VWCE: variants seen among roughly 807,000 people sequenced by gnomAD.
VWCE encodes von Willebrand factor C and EGF domains.
VWCE carries 68 observed loss-of-function variants against 102.9 expected under a neutral mutation model. That is an observed-to-expected ratio of 0.66 (90% confidence interval 0.54 to 0.81). The LOEUF (loss-of-function observed/expected upper bound fraction) is 0.81, where lower values mean the gene tolerates loss of function less well. VWCE is among the 30% of genes least tolerant of loss of function. The probability of loss-of-function intolerance (pLI) is 0.00; values close to 1 mark genes in which losing one functional copy is unlikely to be tolerated. For missense variants in VWCE, 1,137 were observed against 1,263.6 expected, an observed-to-expected ratio of 0.90 and a Z score of 1.52; for synonymous variants, 497 against 515.4, an observed-to-expected ratio of 0.96 and a Z score of 0.48.
intron 18 of VWCE, 127 bp downstream of exon 18, chr11:61,264,829 A>G: frequency 9.1e-7 from 1 of 1,096,182 alleles, no homozygotes; most frequent in East Asian, 2.4e-5. Context: ...CTGGCAGTTA[A>G]TTAAAGGCGG....
At chr11:61,268,744 G>C (rs760742328) in intron 15 of VWCE, among the ~76,000 whole-genome samples, 178 bp downstream of exon 15, 2 of 152,074 alleles carry the variant, frequency 1.3e-5, no homozygotes, top group Admixed American at 6.5e-5. Context: ...GATCTGCCTC[G>C]AGCACTCAGA....
intron 9 of VWCE, 94 bp downstream of exon 9, chr11:61,280,530 T>C: frequency 1.6e-6 from 2 of 1,250,910 alleles, no homozygotes; most frequent in South Asian, 1.4e-5. Flanking sequence ...GAGATTCTAA[T>C]GTATGCTAAT....
chr11:61,269,918 T>C (rs886873483), intron 14 of VWCE, among the ~76,000 whole-genome samples: 3 of 101,096 alleles, frequency 3.0e-5, no homozygotes, highest in Middle Eastern at 4.2e-3. Context: ...GCTTACAGCA[T>C]TTTTTTTTTT....
rs1282127854 is a variant in VWCE, at chr11:61,258,910, G to A, written c.2633C>T (p.Ala878Val). The A allele has an allele frequency of 1.3e-6, 2 of 1,531,944 alleles. No homozygotes were observed. Among genetic ancestry groups the A allele is most frequent in the Middle Eastern group, 1.8e-4 (1 of 5,656 alleles). 94.9% of individuals were successfully genotyped at this position (1,531,944 alleles called of 1,614,324 possible). Residue 878 changes from alanine to valine, a missense_variant, in exon 20 of 20, where the codon GCC becomes GTC. Ala to Val is a moderately conservative substitution (Grantham distance 64). Transcript: ENST00000335613. ...PPVTPERSFS[A>V]SGAQIVSRWP... ...CCTGGACACTATCTGGGCCCCAGAG[G>A]CTGAGAACGAGCGCTCTGGAGTCAC...
chr11:61,263,110 C>T (rs1407731906), intron 19 of VWCE, among the ~76,000 whole-genome samples: 1 of 152,158 alleles, frequency 6.6e-6, no homozygotes, highest in Non-Finnish European at 1.5e-5. Flanking sequence ...AGTTCGAGAA[C>T]AGCCTGACGA....
intron 10 of VWCE, among the ~76,000 whole-genome samples, chr11:61,277,339 T>C (rs1854960553): frequency 6.7e-6 from 1 of 150,246 alleles, no homozygotes; most frequent in South Asian, 2.1e-4. Flanking sequence ...CCCGGTGCAG[T>C]GGCTCATCCC....
chr11:61,274,535 A>G lies in VWCE; in HGVS notation c.1545T>C (p.Ser515=). ...AGGTGGTACACTCGTCACCACCCCC[A>G]CTGAACACAGCCCCGTCTGCGTACC... The part of the protein sequence containing the change: ...GRWYADGAVF[S]GGGDECTTCV... Residue 515 remains serine, a synonymous_variant, in exon 12 of 20, where the codon AGT becomes AGC. Coordinates refer to ENST00000335613, the MANE Select transcript of VWCE (RefSeq NM_152718.2). 1.2e-6 allele frequency: 2 copies of G among 1,613,574 alleles called. No individual in the cohort carries two copies. The highest frequency in any genetic ancestry group is 4.5e-5 in the East Asian group (2 of 44,854).
intron 19 of VWCE, 134 bp downstream of exon 19, chr11:61,264,353 C>A: frequency 1.2e-6 from 1 of 839,592 alleles, no homozygotes; most frequent in South Asian, 1.6e-5. Flanking sequence ...AGCTGTACAA[C>A]CTTGCGCGAG....
intron 13 of VWCE, 141 bp from the exon 14 acceptor site, chr11:61,271,901 C>G: frequency 1.4e-6 from 1 of 707,064 alleles, no homozygotes. Flanking sequence ...CACACTCATA[C>G]AAATGCACAC....
At chr11:61,289,517 TG>T (rs1244592157) in intron 4 of VWCE, among the ~76,000 whole-genome samples, 1 of 152,110 alleles carries the variant, frequency 6.6e-6, no homozygotes, top group African/African-American at 2.4e-5. Context: ...CCCAAAGTGC[TG>T]GGATTACAGG....
chr11:61,272,569 T>C (rs1590628041), intron 13 of VWCE, among the ~76,000 whole-genome samples: 1 of 150,412 alleles, frequency 6.6e-6, no homozygotes, highest in East Asian at 2.0e-4. Flanking sequence ...CACAGAAAAC[T>C]ATTCAGAAAC....
chr11:61,271,654 G>A, intron 14 of VWCE, 21 bp downstream of exon 14: 1 of 1,600,344 alleles, frequency 6.2e-7, no homozygotes, highest in Non-Finnish European at 8.5e-7. Flanking sequence ...AGCAGCTGAA[G>A]GCGAGCAGGT....
At chr11:61,260,274 C>CT (rs892014966) in intron 19 of VWCE, among the ~76,000 whole-genome samples, 11 of 151,542 alleles carry the variant, frequency 7.3e-5, no homozygotes, top group Non-Finnish European at 1.3e-4. Flanking sequence ...TAAAAAAAGG[C>CT]TTTTTTTTGG....
At position 61,263,176 on chromosome 11, in the gene VWCE, G is replaced by A. The variant is rs1854408131; in HGVS notation, c.2230+1311C>T. Among the ~76,000 whole-genome samples, 4 of 152,084 alleles carry A rather than the reference G, an allele frequency of 2.6e-5. No homozygotes were observed. The South Asian group carries it at 8.3e-4, about 32-fold the overall frequency. On this transcript the variant is annotated intron_variant, in intron 19 of 19. Transcript: ENST00000335613. The stretch of plus-strand genomic sequence containing the variant: ...ACAAAAATTAGCCGGGCATGGTGGT[G>A]TGCGCCTATAATCCCAGCTACTCAG...
chr11:61,279,446 G>A (rs1855045811), intron 9 of VWCE, among the ~76,000 whole-genome samples: 1 of 151,854 alleles, frequency 6.6e-6, no homozygotes, highest in East Asian at 1.9e-4. Context: ...TTGGTGGTGG[G>A]TGGCTATAAT....
Position 61,282,681 on chromosome 11 carries a change from A to G in VWCE, c.658+108T>C. On this transcript the variant is annotated intron_variant, in intron 6 of 19. Transcript: ENST00000335613. ...AAAGGCTCAAGCCCCTTCAAGCTCC[A>G]GAGGACCAGAAAGTCTAATTGTTAA... 7 of 881,456 alleles carry G rather than the reference A, an allele frequency of 7.9e-6. No homozygotes were observed. In the Admixed American group the frequency reaches 1.4e-4, roughly 17 times the overall value. The allele number at this position is 881,456 out of a possible 1,614,324, so 54.6% of individuals were successfully genotyped here.
intron 12 of VWCE, among the ~76,000 whole-genome samples, chr11:61,274,123 C>T (rs1295004558): frequency 6.6e-6 from 1 of 152,108 alleles, no homozygotes; most frequent in Non-Finnish European, 1.5e-5. Context: ...ACCTCAGCTC[C>T]CCACCTGATG....
At position 61,294,229 on chromosome 11, in the gene VWCE, T is replaced by C. The variant is rs536016296; in HGVS notation, c.110+699A>G. On this transcript the variant is annotated intron_variant, in intron 1 of 19. Transcript: ENST00000335613. The surrounding 1 kb of genome is among the most constrained non-coding windows in gnomAD (Gnocchi z 6.3). Reference sequence around the variant, plus strand: ...ACTGGCGGTGGCTGTGGAACACACGTGTGAGCTACAAGCCTGGCCGGGCCG... The same window carrying C: ...ACTGGCGGTGGCTGTGGAACACACGCGTGAGCTACAAGCCTGGCCGGGCCG... 6.6e-6 allele frequency among the ~76,000 whole-genome samples: 1 copy of C among 152,122 alleles called. No individual in the cohort carries two copies. The highest frequency in any genetic ancestry group is 2.1e-4 in the South Asian group (1 of 4,826).
chr11:61,286,727 G>T (rs1855340638), intron 4 of VWCE, among the ~76,000 whole-genome samples: 1 of 152,078 alleles, frequency 6.6e-6, no homozygotes, highest in African/African-American at 2.4e-5. Flanking sequence ...CTTGAACCCA[G>T]GAGGCGGAGG....
Sources: gnomAD v4.1 joint callset for allele counts (sites outside exome capture counted in the v4.1 genomes callset) on GRCh38, gnomAD v4.1.1 for gene constraint, Gnocchi (gnomAD v3.1) non-coding constraint, MANE v1.5 for transcripts, NCBI Gene and HGNC (gene_info 2026-07-23, HGNC 2026-07-21) for gene names.